The following PPID variants were observed in gnomAD, a reference collection of about 807,000 sequenced individuals.
The protein encoded by PPID is peptidyl-prolyl cis-trans isomerase D.
A neutral mutation model predicts 48.1 loss-of-function variants in PPID; 47 were observed. That is an observed-to-expected ratio of 0.98 (90% CI 0.77 to 1.25). PPID has a LOEUF of 1.25. PPID is among the 50% of genes most tolerant of loss of function. The pLI, the probability that PPID is intolerant of heterozygous loss-of-function variation, is 0.00. For missense variants in PPID, 429 were observed against 443.5 expected (o/e 0.97, Z 0.29); for synonymous variants, 163 against 148.8 (o/e 1.10, Z -0.69).
intron 6 of PPID, among the ~76,000 whole-genome samples, chr4:158,714,250 A>T (rs1774834145): frequency 6.6e-6 from 1 of 152,230 alleles, no homozygotes; most frequent in African/African-American, 2.4e-5. Flanking sequence ...ACCTCAGACT[A>T]ACAAATGCTT....
chr4:158,713,126 C>A lies in PPID; in HGVS notation c.887G>T (p.Cys296Phe). Residue 296 changes from cysteine (C) to phenylalanine (F), a missense_variant, in exon 7 of 10, where the codon TGT (cysteine) becomes TTT (phenylalanine). By Grantham distance (205) the Cys-to-Phe change is radical (BLOSUM62 -2). Transcript: ENST00000307720. ...MSNWQGAIDS[C>F]LEALELDPSN... Reference sequence around the variant, plus strand: ...AAAATCAAACAGACTTACCTCTAAACAACTGTCAATTGCTCCCTGCCAATT... The same window carrying A: ...AAAATCAAACAGACTTACCTCTAAAAAACTGTCAATTGCTCCCTGCCAATT... The A allele has an allele frequency of 6.2e-7, 1 of 1,613,886 alleles. No homozygotes were observed. The highest frequency in any genetic ancestry group is 8.5e-7 in the Non-Finnish European group (1 of 1,179,876).
chr4:158,711,173 T>C (rs893730154), intron 7 of PPID, among the ~76,000 whole-genome samples: 9 of 152,138 alleles, frequency 5.9e-5, no homozygotes, highest in Non-Finnish European at 1.3e-4. Flanking sequence ...GAATTATAAG[T>C]TTTTTAGGAA....
Position 158,715,681 on chromosome 4 carries a change from A to G in PPID, c.526T>C (p.Cys176Arg). Residue 176 changes from cysteine (C) to arginine (R), a missense_variant, in exon 5 of 10, where the codon TGC becomes CGC. Cys to Arg is a radical substitution (Grantham distance 180). Coordinates refer to ENST00000307720, the MANE Select transcript of PPID (RefSeq NM_005038.3). ...EVKGEKPAKL[C>R]VIAECGELKE... The stretch of plus-strand genomic sequence containing the variant: ...AATTCTCCACATTCTGCAATAACGC[A>G]CAACTGTAAAAATAACCCTAAATTG... The G allele has an allele frequency of 1.2e-6, 2 of 1,608,240 alleles. No homozygotes were observed. The highest frequency in any genetic ancestry group is 1.7e-6 in the Non-Finnish European group (2 of 1,174,624).
chr4:158,715,551 A>C lies in PPID; in HGVS notation c.645+11T>G. The C allele has an allele frequency of 6.2e-7, 1 of 1,613,068 alleles. No individual in the cohort carries two copies. The highest frequency in any genetic ancestry group is 8.5e-7 in the Non-Finnish European group (1 of 1,179,264). ...AATTAATTAAAGTTTGACTAATCTGAAAGTACTCACATCTTTTAAATCTAT... is the reference window on the plus strand; with the variant it reads ...AATTAATTAAAGTTTGACTAATCTGCAAGTACTCACATCTTTTAAATCTAT... On this transcript the variant is annotated intron_variant, in intron 5 of 9. Transcript: ENST00000307720.
At chr4:158,719,706 A>G (rs1381313746) in intron 2 of PPID, among the ~76,000 whole-genome samples, 1 of 152,230 alleles carries the variant, frequency 6.6e-6, no homozygotes, top group Non-Finnish European at 1.5e-5. Context: ...TACACATAGT[A>G]CATATTAGTT....
In PPID at chr4:158,715,386, T is replaced by G; in HGVS notation, c.663A>C (p.Leu221Phe). The G allele has an allele frequency of 6.6e-7, 1 of 1,519,540 alleles. No individual in the cohort carries two copies. The highest frequency in any genetic ancestry group is 8.8e-7 in the Non-Finnish European group (1 of 1,132,682). 94.1% of individuals were successfully genotyped at this position (1,519,540 alleles called of 1,614,324 possible). Residue 221 changes from leucine to phenylalanine, a missense_variant, in exon 6 of 10, where the codon TTA (leucine) becomes TTC (phenylalanine). Leu to Phe is a conservative substitution (Grantham distance 22). Transcript: ENST00000307720. ...CAATGTTTTTTAAGTCTTCTGTTAT[T>G]AATAAAATTTTATCTACCTGTATAA... is the stretch of plus-strand genomic sequence containing the variant. Reference protein sequence around the residue: ...IDLKDVDKILLITEDLKNIGN... With the variant: ...IDLKDVDKILFITEDLKNIGN...
chr4:158,722,128 G>A (rs971610291), intron 1 of PPID, among the ~76,000 whole-genome samples: 4 of 152,156 alleles, frequency 2.6e-5, no homozygotes, highest in African/African-American at 2.4e-5. Context: ...TCTACCTACT[G>A]TCATGTATGT....
At chr4:158,715,276 A>G (rs924633090) in intron 6 of PPID, 21 bp downstream of exon 6, 40 of 1,381,954 alleles carry the variant, frequency 2.9e-5, no homozygotes, top group Non-Finnish European at 3.5e-5. Flanking sequence ...CTTAAAAATA[A>G]TTTGTTAGAA....
chr4:158,714,146 G>C (rs191422155), intron 6 of PPID, among the ~76,000 whole-genome samples: 56 of 152,328 alleles, frequency 3.7e-4, no homozygotes, highest in African/African-American at 1.3e-3. Context: ...TAGAAGTTCA[G>C]TATAACAGAT....
chr4:158,713,380 T>C, intron 6 of PPID, 120 bp from the exon 7 acceptor site: 1 of 1,042,758 alleles, frequency 9.6e-7, no homozygotes, highest in Non-Finnish European at 1.3e-6. Context: ...CTATTAATAA[T>C]CTTAATGATC....
At position 158,719,247 on chromosome 4, in the gene PPID, T is replaced by G. The variant is rs982513574; in HGVS notation, c.266A>C (p.Asn89Thr). Residue 89 changes from asparagine (N) to threonine (T), a missense_variant, in exon 3 of 10, where the codon AAT becomes ACT. By Grantham distance (65) the Asn-to-Thr change is moderately conservative. Transcript: ENST00000307720. Reference protein sequence around the residue: ...KFMIQGGDFSNQNGTGGESIY... With the variant: ...KFMIQGGDFSTQNGTGGESIY... The stretch of plus-strand genomic sequence containing the variant: ...ACTTTCTCCACCTGTCCCATTCTGA[T>G]TTGAGAAGTCTCCACCCTGAATCAT... 3 of 1,611,566 alleles carry G rather than the reference T, an allele frequency of 1.9e-6. No homozygotes were observed. The highest frequency in any genetic ancestry group is 2.5e-6 in the Non-Finnish European group (3 of 1,178,100).
intron 6 of PPID, among the ~76,000 whole-genome samples, chr4:158,713,993 G>A (rs953900426): frequency 6.6e-6 from 1 of 151,988 alleles, no homozygotes; most frequent in Admixed American, 6.6e-5. Flanking sequence ...ACCAGCCTGG[G>A]CAATATAAAG....
intron 3 of PPID, among the ~76,000 whole-genome samples, chr4:158,718,013 C>T (rs574924540): frequency 8.5e-4 from 129 of 152,288 alleles, no homozygotes; most frequent in African/African-American, 2.8e-3. Context: ...ATGCCTTTTA[C>T]TCCCCTCAGT....
Position 158,710,768 on chromosome 4 carries a change from T to G in PPID, c.975A>C (p.Gln325His). ...CATTTGGAACAAAATTTACCAATGC[T>G]TGATCATATTCTTTTAATCCTTGCC... is the stretch of plus-strand genomic sequence containing the variant. The part of the protein sequence containing the change: ...QGWQGLKEYD[Q>H]ALADLKKAQG... Residue 325 changes from glutamine (Q) to histidine (H), a missense_variant, in exon 8 of 10, where the codon CAA (glutamine) becomes CAC (histidine). Physicochemically the swap from Gln to His is conservative, Grantham distance 24. Coordinates refer to ENST00000307720, the MANE Select transcript of PPID (RefSeq NM_005038.3). 1 of 1,613,574 alleles carries G rather than the reference T, an allele frequency of 6.2e-7. No homozygotes were observed. The highest frequency in any genetic ancestry group is 8.5e-7 in the Non-Finnish European group (1 of 1,179,490).
chr4:158,715,892 A>G (rs977555682), intron 4 of PPID, among the ~76,000 whole-genome samples: 2 of 152,202 alleles, frequency 1.3e-5, no homozygotes, highest in African/African-American at 4.8e-5. Context: ...CAGGAGCTCA[A>G]TAAACACAGA....
rs756487143 is a variant in PPID at position 158,709,755 on chromosome 4, T to C, written c.1094A>G (p.Tyr365Cys). 26 of 1,608,602 alleles carry C rather than the reference T, an allele frequency of 1.6e-5. No individual in the cohort carries two copies. The highest frequency in any genetic ancestry group is 9.4e-6 in the Non-Finnish European group (11 of 1,176,218). ...TCCTTTCTAAGCAAACATTTTTGCATATACTGCCTTCTCTTTATCTTTCTG... is the reference window on the plus strand; with the variant it reads ...TCCTTTCTAAGCAAACATTTTTGCACATACTGCCTTCTCTTTATCTTTCTG... ...KAQKDKEKAV[Y>C]AKMFA is the part of the protein sequence containing the mutation. Residue 365 changes from tyrosine to cysteine, a missense_variant, in exon 10 of 10, where the codon TAT becomes TGT. Coordinates refer to ENST00000307720, the MANE Select transcript of PPID (RefSeq NM_005038.3).
rs570032638 is a variant in PPID at position 158,720,088 on chromosome 4, A to T, written c.227-802T>A. Among the ~76,000 whole-genome samples the T allele has an allele frequency of 9.2e-5, 14 of 152,344 alleles. No homozygotes were observed. In the South Asian group the frequency reaches 2.9e-3, roughly 32 times the overall value. ...TCAGCACCCAAGGTATTTATTGGGC[A>T]CACTCTACCTAGCATGTACCAAAAT... On this transcript the variant is annotated intron_variant, in intron 2 of 9. Coordinates refer to ENST00000307720, the MANE Select transcript of PPID (RefSeq NM_005038.3).
chr4:158,716,770 C>T (rs1204728661), intron 4 of PPID, among the ~76,000 whole-genome samples: 1 of 152,046 alleles, frequency 6.6e-6, no homozygotes, highest in Admixed American at 6.6e-5. Flanking sequence ...CCAGCCTGGC[C>T]AACATGGTGA....
chr4:158,717,132 G>A lies in PPID; in HGVS notation c.402C>T (p.Ile134=). 6.2e-7 allele frequency: 1 copy of A among 1,614,098 alleles called. No homozygotes were observed. Among genetic ancestry groups the A allele is most frequent in the Non-Finnish European group, 8.5e-7 (1 of 1,179,968 alleles). ...GRNTNGSQFF[I]TTVPTPHLDG... is the part of the protein sequence containing the mutation. ...CCAAATGAGGAGTTGGAACTGTTGT[G>A]ATAAAAAACTGAGAACCGTTTGTGT... is the stretch of plus-strand genomic sequence containing the variant. The change falls in exon 4 of 10, where the codon ATC becomes ATT. Residue 134 remains isoleucine, a synonymous_variant. Coordinates refer to ENST00000307720, the MANE Select transcript of PPID (RefSeq NM_005038.3).
Sources: gnomAD v4.1 joint callset for allele counts (sites outside exome capture counted in the v4.1 genomes callset) on GRCh38, gnomAD v4.1.1 for gene constraint, MANE v1.5 for transcripts, NCBI Gene and HGNC (gene_info 2026-07-23, HGNC 2026-07-21) for gene names.